The following C11orf65 variants were observed in gnomAD, a reference collection of about 807,000 sequenced individuals.
C11orf65 encodes chromosome 11 open reading frame 65, also known as protein MFI.
A neutral mutation model predicts 35.3 loss-of-function variants in C11orf65; 38 were observed. The observed-to-expected ratio is 1.08, with a 90% CI of 0.83 to 1.41. The LOEUF (loss-of-function observed/expected upper bound fraction) is 1.41, where lower values mean the gene tolerates loss of function less well. C11orf65 is among the 40% of genes most tolerant of loss of function. C11orf65 has a pLI of 0.00. For synonymous variants in C11orf65, 105 were observed against 114.4 expected, an observed-to-expected ratio of 0.92 and a Z score of 0.53; for missense variants, 370 against 367.1, an observed-to-expected ratio of 1.01 and a Z score of -0.06.
At chr11:108,410,079 C>G (rs987998501) in intron 3 of C11orf65, among the ~76,000 whole-genome samples, 2 of 152,094 alleles carry the variant, frequency 1.3e-5, no homozygotes, top group African/African-American at 4.8e-5. Flanking sequence ...TTAACATAAC[C>G]CTGCCATAAG....
chr11:108,322,569 G>C (rs151071268), intron 6 of C11orf65, among the ~76,000 whole-genome samples: 1 of 152,332 alleles, frequency 6.6e-6, no homozygotes, highest in African/African-American at 2.4e-5. Flanking sequence ...ATAATGGTGA[G>C]AGGGAAATGA....
At chr11:108,371,667 A>G (rs1252242200) in intron 2 of C11orf65, among the ~76,000 whole-genome samples, 2 of 152,186 alleles carry the variant, frequency 1.3e-5, no homozygotes, top group African/African-American at 4.8e-5. Context: ...AGTTGTCTCT[A>G]CCCTTTGACT....
intron 8 of C11orf65, 125 bp from the exon 9 acceptor site, chr11:108,383,300 G>A: frequency 1.3e-6 from 1 of 775,352 alleles, no homozygotes; most frequent in Non-Finnish European, 1.9e-6. Flanking sequence ...ATCTTCACCT[G>A]AAACCAGAAA....
intron 7 of C11orf65, among the ~76,000 whole-genome samples, chr11:108,388,582 C>T (rs1038196074): frequency 6.6e-6 from 1 of 152,118 alleles, no homozygotes; most frequent in Non-Finnish European, 1.5e-5. Context: ...TAGAAACTAT[C>T]CATAACAGAC....
intron 6 of C11orf65, among the ~76,000 whole-genome samples, chr11:108,399,138 T>C (rs1403715331): frequency 1.3e-5 from 2 of 152,104 alleles, no homozygotes; most frequent in African/African-American, 4.8e-5. Context: ...GTGCAACCAC[T>C]GAGGTGCCGG....
At chr11:108,469,047 T>C (rs191671411), upstream of C11orf65, among the ~76,000 whole-genome samples, 65 of 152,008 alleles carry the variant, frequency 4.3e-4, no homozygotes, top group East Asian at 8.6e-3. Flanking sequence ...GGTTTTACTG[T>C]GTTAGCCAGG....
intron 2 of C11orf65, among the ~76,000 whole-genome samples, chr11:108,445,169 C>T (rs1591575566): frequency 6.6e-6 from 1 of 152,208 alleles, no homozygotes; most frequent in African/African-American, 2.4e-5. Flanking sequence ...GTAGGCTCCA[C>T]CTCTGGGGGA....
At chr11:108,340,946 G>T (rs1020151081) in intron 2 of C11orf65, among the ~76,000 whole-genome samples, 8 of 151,876 alleles carry the variant, frequency 5.3e-5, no homozygotes, top group Non-Finnish European at 1.0e-4. Flanking sequence ...AGGTTTTTTT[G>T]GTGAATATTT....
intron 3 of C11orf65, among the ~76,000 whole-genome samples, chr11:108,408,736 T>TAAAATAAAATAAA (rs1565660272): frequency 1.0e-5 from 1 of 99,536 alleles, no homozygotes; most frequent in Non-Finnish European, 2.3e-5. Flanking sequence ...AATAAAATGA[T>TAAAATAAAATAAA]ATAAGAATTG....
intron 6 of C11orf65, among the ~76,000 whole-genome samples, chr11:108,319,681 G>C (rs985567846): frequency 5.3e-5 from 8 of 152,164 alleles, no homozygotes; most frequent in African/African-American, 1.9e-4. Flanking sequence ...CTTGTGCCTA[G>C]TGCCTGGCAC....
chr11:108,405,863 C>T (rs2092531105), intron 5 of C11orf65, among the ~76,000 whole-genome samples: 1 of 152,156 alleles, frequency 6.6e-6, no homozygotes, highest in Non-Finnish European at 1.5e-5. Context: ...ATAGACCTGA[C>T]CTACTCTTAG....
intron 2 of C11orf65, among the ~76,000 whole-genome samples, chr11:108,445,654 A>T (rs577925138): frequency 6.6e-6 from 1 of 152,284 alleles, no homozygotes; most frequent in South Asian, 2.1e-4. Context: ...AAAGTAGATA[A>T]AACCACAAAG....
In C11orf65 at chr11:108,435,238, G is replaced by A. The variant is rs187545006; in HGVS notation, c.82-3400C>T. On this transcript the variant is annotated intron_variant, in intron 2 of 8. Transcript: ENST00000393084. The stretch of plus-strand genomic sequence containing the variant: ...TGGTCTTAGTTTCCACAGGAAGAAC[G>A]TTTCCACCAAAGTACATACCAATGT... Among the ~76,000 whole-genome samples the A allele has an allele frequency of 3.9e-3, 596 of 151,914 alleles. 1 individual carries two copies. The highest frequency in any genetic ancestry group is 0.014 in the African/African-American group (562 of 41,410).
intron 1 of C11orf65, among the ~76,000 whole-genome samples, chr11:108,465,203 C>T (rs1278439021): frequency 6.6e-6 from 1 of 152,116 alleles, no homozygotes; most frequent in Non-Finnish European, 1.5e-5. Context: ...AAATCCTGAA[C>T]CAGTTTATTG....
intron 2 of C11orf65, among the ~76,000 whole-genome samples, chr11:108,358,392 CT>C (rs1323678863): frequency 6.8e-6 from 1 of 147,270 alleles, no homozygotes; most frequent in Non-Finnish European, 1.5e-5. Context: ...TCCAGGAGAA[CT>C]TCCCCAATCT....
chr11:108,459,835 T>C (rs1015689750), intron 2 of C11orf65, among the ~76,000 whole-genome samples: 5 of 151,940 alleles, frequency 3.3e-5, no homozygotes, highest in South Asian at 2.1e-4. Context: ...CTGAAATGCC[T>C]AGCACAATGT....
intron 2 of C11orf65, among the ~76,000 whole-genome samples, chr11:108,433,852 T>C (rs1045758228): frequency 3.3e-5 from 5 of 152,042 alleles, no homozygotes; most frequent in African/African-American, 1.2e-4. Context: ...GAACCTCAAG[T>C]AGCATACCTG....
At chr11:108,310,131 G>A (rs992763001) in intron 6 of C11orf65, 4 of 1,599,874 alleles carry the variant, frequency 2.5e-6, no homozygotes, top group African/African-American at 2.7e-5. Flanking sequence ...TTAAAAAAGT[G>A]AATGACATTA....
chr11:108,460,534 C>G (rs1308248451), intron 2 of C11orf65, among the ~76,000 whole-genome samples: 4 of 152,100 alleles, frequency 2.6e-5, no homozygotes. Context: ...TGGCTATATT[C>G]CTAACATCTG....
Sources: allele counts gnomAD v4.1 joint callset (sites outside exome capture counted in the v4.1 genomes callset), GRCh38; gene constraint gnomAD v4.1.1; transcripts MANE v1.5; gene names NCBI Gene and HGNC (gene_info 2026-07-23, HGNC 2026-07-21).